The following C12orf76 variants were observed in gnomAD, a reference collection of about 807,000 sequenced individuals.
C12orf76 encodes chromosome 12 open reading frame 76.
A neutral mutation model predicts 6.8 loss-of-function variants in C12orf76; 6 were observed. That is an observed-to-expected ratio of 0.88 (90% CI 0.48 to 1.73). C12orf76 has a LOEUF of 1.73. C12orf76 is among the 40% of genes most tolerant of loss of function. C12orf76 has a pLI of 0.01. For synonymous variants in C12orf76, 56 were observed against 43.7 expected (o/e 1.28, Z -1.11); for missense variants, 99 against 98.2 (o/e 1.01, Z -0.03).
chr12:110,065,159 CAT>C (rs373717603), intron 2 of C12orf76, among the ~76,000 whole-genome samples: 6 of 149,396 alleles, frequency 4.0e-5, no homozygotes, highest in Non-Finnish European at 3.0e-5. Context: ...TGTATATGTG[CAT>C]ATATATATAT....
At chr12:110,058,662 T>G (rs1892718494) in intron 3 of C12orf76, among the ~76,000 whole-genome samples, 1 of 151,850 alleles carries the variant, frequency 6.6e-6, no homozygotes, top group Non-Finnish European at 1.5e-5. Context: ...AGAGTGAGAC[T>G]CTCTCTCCAA....
intron 2 of C12orf76, among the ~76,000 whole-genome samples, chr12:110,063,774 A>AC (rs1201230007): frequency 2.0e-5 from 3 of 151,774 alleles, no homozygotes; most frequent in Admixed American, 1.3e-4. Context: ...AGGCATGATG[A>AC]CGGGTGCCTA....
At chr12:110,052,976 G>A (rs1190912033), upstream of C12orf76, among the ~76,000 whole-genome samples, 1 of 152,164 alleles carries the variant, frequency 6.6e-6, no homozygotes, top group Non-Finnish European at 1.5e-5. Flanking sequence ...GCCAAGGTGG[G>A]CGGATCACAA....
At chr12:110,048,803 T>G (rs1235176957), upstream of C12orf76, 11 of 375,768 alleles carry the variant, frequency 2.9e-5, no homozygotes, top group Non-Finnish European at 4.1e-5. Flanking sequence ...GTCTTGTAGG[T>G]CCATTTGGGG....
intron 1 of C12orf76, among the ~76,000 whole-genome samples, chr12:110,072,826 G>A (rs763539220): frequency 1.8e-4 from 28 of 151,766 alleles, no homozygotes; most frequent in Non-Finnish European, 3.7e-4. Flanking sequence ...TGGTGGCGGG[G>A]GAGGATAGCG....
intron 2 of C12orf76, among the ~76,000 whole-genome samples, chr12:110,063,664 G>T (rs1892814946): frequency 6.8e-6 from 1 of 147,356 alleles, no homozygotes; most frequent in African/African-American, 2.5e-5. Flanking sequence ...TTTTGCTCTT[G>T]TTGCCCAGGC....
In C12orf76 at chr12:110,054,560, G is replaced by A. The variant is rs1892638309; in HGVS notation, n.664+2629C>T. Reference sequence around the variant, plus strand: ...GCAGGGGACAGAGGGAGGGAGAAATGGCGAGTGACTACTAATAGGCATGGG... The same window carrying A: ...GCAGGGGACAGAGGGAGGGAGAAATAGCGAGTGACTACTAATAGGCATGGG... On this transcript the variant is annotated intron_variant and non_coding_transcript_variant, in intron 4 of 4. Transcript: ENST00000309050. The surrounding 1 kb of genome is among the most constrained non-coding windows in gnomAD (Gnocchi z 4.4). 6.6e-6 allele frequency among the ~76,000 whole-genome samples: 1 copy of A among 152,216 alleles called. No individual in the cohort carries two copies. The highest frequency in any genetic ancestry group is 6.5e-5 in the Admixed American group (1 of 15,276).
chr12:110,045,580 C>A (rs1428415139), intron 1 of C12orf76, among the ~76,000 whole-genome samples: 3 of 150,930 alleles, frequency 2.0e-5, no homozygotes, highest in Non-Finnish European at 4.4e-5. Flanking sequence ...GAGACTCCAT[C>A]TCAAAAAAAT....
At chr12:110,046,825 A>G (rs1031486445) in intron 1 of C12orf76, among the ~76,000 whole-genome samples, 1 of 152,102 alleles carries the variant, frequency 6.6e-6, no homozygotes, top group African/African-American at 2.4e-5. Context: ...GATTTTGACT[A>G]TCTTGATTAG....
intron 1 of C12orf76, among the ~76,000 whole-genome samples, chr12:110,047,251 C>CGT (rs1566072927): frequency 2.0e-5 from 3 of 152,126 alleles, no homozygotes; most frequent in East Asian, 3.9e-4. Flanking sequence ...ATTTACGCAG[C>CGT]GTGTGTGTGT....
intron 3 of C12orf76, chr12:110,058,959 C>T (rs1415902740): frequency 2.0e-6 from 3 of 1,481,090 alleles, no homozygotes; most frequent in Non-Finnish European, 2.7e-6. Flanking sequence ...AAACAAAAAC[C>T]AACTCTATAA....
upstream of C12orf76, among the ~76,000 whole-genome samples, chr12:110,069,764 C>T (rs1050799288): frequency 6.6e-6 from 1 of 152,200 alleles, no homozygotes; most frequent in Non-Finnish European, 1.5e-5. Flanking sequence ...CACACTTACT[C>T]CAGGGAACCC....
chr12:110,056,735 G>A (rs1892674886), intron 4 of C12orf76, among the ~76,000 whole-genome samples: 2 of 152,144 alleles, frequency 1.3e-5, no homozygotes, highest in African/African-American at 4.8e-5. Flanking sequence ...CATGTTGTAG[G>A]AGGGACCTGG....
chr12:110,045,545 C>T (rs116894976), intron 1 of C12orf76, among the ~76,000 whole-genome samples: 7,774 of 151,966 alleles, frequency 0.051, 268 homozygotes, highest in Middle Eastern at 0.082. Context: ...AAGATCGCGC[C>T]ACTGCACTGG....
intron 4 of C12orf76, chr12:110,057,147 C>T: frequency 1.4e-6 from 2 of 1,385,248 alleles, no homozygotes; most frequent in Non-Finnish European, 2.1e-6. Context: ...TTCAGAGTCC[C>T]AATCCACATG....
upstream of C12orf76, among the ~76,000 whole-genome samples, chr12:110,053,188 C>CA (rs1194301989): frequency 0.024 from 2,079 of 86,446 alleles, 50 homozygotes; most frequent in African/African-American, 0.076. Context: ...TAGACTGTCT[C>CA]AAAAAAAAAA....
At chr12:110,067,461 T>G in intron 1 of C12orf76, 1 of 985,432 alleles carries the variant, frequency 1.0e-6, no homozygotes, top group Non-Finnish European at 1.2e-6. Flanking sequence ...GAAGACCTTG[T>G]AACAGATCAC....
exon 1 of C12orf76, chr12:110,067,597 A>G (rs1892887546): frequency 1.0e-6 from 1 of 985,022 alleles, no homozygotes; most frequent in African/African-American, 1.7e-5. Flanking sequence ...CATCTTCTCG[A>G]ACTCCAGACC....
upstream of C12orf76, chr12:110,048,597 G>A: frequency 7.6e-7 from 1 of 1,318,874 alleles, no homozygotes; most frequent in Non-Finnish European, 9.6e-7. Context: ...CTTAGGGCGC[G>A]CGTCATTGCC....
Sources: gnomAD v4.1 joint callset for allele counts (sites outside exome capture counted in the v4.1 genomes callset) on GRCh38, gnomAD v4.1.1 for gene constraint, Gnocchi (gnomAD v3.1) non-coding constraint, MANE v1.5 for transcripts, NCBI Gene and HGNC (gene_info 2026-07-23, HGNC 2026-07-21) for gene names.